The following RAPGEF5 variants were observed in gnomAD, a reference collection of about 807,000 sequenced individuals.
The protein encoded by RAPGEF5 is M-Ras-regulated GEF.
A neutral mutation model predicts 125.2 loss-of-function variants in RAPGEF5; 65 were observed. The observed-to-expected ratio is 0.52, with a 90% CI of 0.43 to 0.64. The LOEUF is 0.64. RAPGEF5 is among the 30% of genes least tolerant of loss of function. The pLI, the probability that RAPGEF5 is intolerant of heterozygous loss-of-function variation, is 0.00. For missense variants in RAPGEF5, 958 were observed against 1,048.1 expected (o/e 0.91, Z 1.19); for synonymous variants, 391 against 385.9 (o/e 1.01, Z -0.16).
intron 7 of RAPGEF5, among the ~76,000 whole-genome samples, chr7:22,252,637 C>T (rs1280161941): frequency 1.3e-5 from 2 of 152,182 alleles, no homozygotes; most frequent in African/African-American, 4.8e-5. Flanking sequence ...TCCTGCTCAT[C>T]AGGAGAAATC....
intron 17 of RAPGEF5, among the ~76,000 whole-genome samples, chr7:22,152,320 T>C (rs1254186198): frequency 2.0e-5 from 3 of 152,220 alleles, no homozygotes; most frequent in Non-Finnish European, 2.9e-5. Context: ...CTGCTCCTTC[T>C]TTGTTCAGCT....
chr7:22,142,702 T>G (rs1458832227), intron 20 of RAPGEF5, among the ~76,000 whole-genome samples: 1 of 152,226 alleles, frequency 6.6e-6, no homozygotes, highest in East Asian at 1.9e-4. Flanking sequence ...TGTCTGACAC[T>G]AAACATTCCA....
intron 5 of RAPGEF5, among the ~76,000 whole-genome samples, chr7:22,295,547 C>A (rs942639079): frequency 1.9e-4 from 29 of 152,110 alleles, no homozygotes; most frequent in Non-Finnish European, 4.1e-4. Flanking sequence ...TCTGTTCCCA[C>A]ACCTGGAATA....
intron 8 of RAPGEF5, among the ~76,000 whole-genome samples, chr7:22,222,627 G>A (rs1034103933): frequency 6.6e-6 from 1 of 152,166 alleles, no homozygotes; most frequent in Non-Finnish European, 1.5e-5. Context: ...GGTAATGCAG[G>A]AGCCCAACAC....
At chr7:22,351,822 T>C (rs1262154096) in intron 1 of RAPGEF5, among the ~76,000 whole-genome samples, 3 of 152,206 alleles carry the variant, frequency 2.0e-5, no homozygotes, top group East Asian at 3.8e-4. Flanking sequence ...GTCAAGTTTC[T>C]AGCAGAGGAG....
chr7:22,168,301 T>C (rs1246409214), intron 11 of RAPGEF5, among the ~76,000 whole-genome samples: 1 of 152,228 alleles, frequency 6.6e-6, no homozygotes, highest in Admixed American at 6.5e-5. Flanking sequence ...CTTTCATCTC[T>C]CTACCATACA....
intron 11 of RAPGEF5, chr7:22,192,503 A>G (rs1785027477): frequency 6.6e-6 from 1 of 152,198 alleles, no homozygotes; most frequent in African/African-American, 2.4e-5. Context: ...ACCTAAGGAA[A>G]CTGTGGGTCT....
chr7:22,290,841 T>TC (rs1782918393), intron 6 of RAPGEF5, among the ~76,000 whole-genome samples: 1 of 152,148 alleles, frequency 6.6e-6, no homozygotes, highest in South Asian at 2.1e-4. Flanking sequence ...TTCTTTTTTT[T>TC]CCCTAATGAA....
intron 12 of RAPGEF5, chr7:22,163,035 A>G: frequency 2.2e-6 from 1 of 455,894 alleles, no homozygotes; most frequent in Non-Finnish European, 4.4e-6. Flanking sequence ...TTGTAACATG[A>G]TTCAAATGCC....
chr7:22,333,972 C>T (rs1328170083), intron 1 of RAPGEF5, among the ~76,000 whole-genome samples: 7 of 148,596 alleles, frequency 4.7e-5, no homozygotes, highest in East Asian at 2.0e-4. Flanking sequence ...AAAGGAGAGT[C>T]GGCTGCGCCG....
intron 7 of RAPGEF5, among the ~76,000 whole-genome samples, chr7:22,238,636 A>T (rs1288291661): frequency 6.6e-6 from 1 of 152,236 alleles, no homozygotes; most frequent in East Asian, 1.9e-4. Context: ...CTTTTCAGTA[A>T]GTGAGATCAA....
chr7:22,327,807 G>C (rs920502308), intron 1 of RAPGEF5, among the ~76,000 whole-genome samples: 10 of 152,208 alleles, frequency 6.6e-5, no homozygotes, highest in African/African-American at 2.2e-4. Context: ...GACACCTAAA[G>C]AGCTTATTTA....
Position 22,315,465 on chromosome 7 carries a change from C to A in RAPGEF5, c.294G>T (p.Glu98Asp), listed in dbSNP as rs141741905. 154 of 1,496,906 alleles carry A rather than the reference C, an allele frequency of 1.0e-4. No individual in the cohort carries two copies. In the African/African-American group the frequency reaches 1.8e-3, roughly 17 times the overall value. 92.7% of individuals were successfully genotyped at this position (1,496,906 alleles called of 1,614,324 possible). ...ATGCTCTTCCTGCACAAGAAGAATT[C>A]TCTCCATAAATCTAAATGGAAAAGA... ...LEHTPSQIYG[E>D]NSSCAGRALR... The change falls in exon 3 of 26, where the codon GAG becomes GAT. Residue 98 changes from glutamate (E) to aspartate (D), a missense_variant. Physicochemically the swap from Glu to Asp is conservative, Grantham distance 45 (BLOSUM62 2). Coordinates refer to ENST00000665637, the MANE Select transcript of RAPGEF5 (RefSeq NM_012294.5).
intron 7 of RAPGEF5, among the ~76,000 whole-genome samples, chr7:22,260,134 G>A (rs1288558641): frequency 6.6e-6 from 1 of 152,044 alleles, no homozygotes; most frequent in African/African-American, 2.4e-5. Flanking sequence ...GAGGAACATA[G>A]AGTTGAATAA....
intron 23 of RAPGEF5, 119 bp downstream of exon 23, chr7:22,135,919 C>A: frequency 1.4e-6 from 1 of 709,340 alleles, no homozygotes; most frequent in South Asian, 2.1e-5. Flanking sequence ...ACAATTAGGT[C>A]TGAATGTCAA....
chr7:22,214,464 CT>C (rs1264063187), intron 9 of RAPGEF5, among the ~76,000 whole-genome samples: 1 of 152,114 alleles, frequency 6.6e-6, no homozygotes, highest in Non-Finnish European at 1.5e-5. Context: ...TATTTCTAAT[CT>C]ACAATTTAAT....
chr7:22,348,016 T>G (rs1784258188), intron 1 of RAPGEF5, among the ~76,000 whole-genome samples: 1 of 152,160 alleles, frequency 6.6e-6, no homozygotes, highest in Non-Finnish European at 1.5e-5. Flanking sequence ...ATCAAGTTTT[T>G]AGAGGAAAAG....
At chr7:22,309,918 C>A in intron 4 of RAPGEF5, 51 bp downstream of exon 4, 2 of 1,505,326 alleles carry the variant, frequency 1.3e-6, no homozygotes, top group Non-Finnish European at 1.8e-6. Flanking sequence ...GTATTTTCAT[C>A]TGATAGCTTA....
At chr7:22,149,226 G>A (rs560928060) in intron 18 of RAPGEF5, among the ~76,000 whole-genome samples, 1 of 152,308 alleles carries the variant, frequency 6.6e-6, no homozygotes, top group African/African-American at 2.4e-5. Flanking sequence ...ACATTATTAT[G>A]ATAGCTTAAT....
Sources: allele counts gnomAD v4.1 joint callset (sites outside exome capture counted in the v4.1 genomes callset), GRCh38; gene constraint gnomAD v4.1.1; transcripts MANE v1.5; gene names NCBI Gene and HGNC (gene_info 2026-07-23, HGNC 2026-07-21).